Variants in SESN1 observed in about 807,000 individuals in gnomAD.
SESN1 encodes sestrin 1.
In SESN1, 30 loss-of-function variants were observed where a neutral mutation model predicts 59.3. The ratio of observed to expected loss-of-function variants is 0.51; its 90% CI spans 0.38 to 0.69. SESN1 has a LOEUF of 0.69. Among genes scored for constraint, SESN1 ranks in the 30% least tolerant of loss-of-function variants. SESN1 has a pLI of 0.00. For missense variants in SESN1, 566 were observed against 673.0 expected, an observed-to-expected ratio of 0.84 and a Z score of 1.76; for synonymous variants, 197 against 219.9, an observed-to-expected ratio of 0.90 and a Z score of 0.92.
At chr6:109,088,976 T>A (rs967792796) in intron 1 of SESN1, among the ~76,000 whole-genome samples, 26 of 152,144 alleles carry the variant, frequency 1.7e-4, no homozygotes, top group African/African-American at 6.3e-4. Context: ...CTCAAAAATG[T>A]GAATATATTT....
rs553231755 is a variant in SESN1, at chr6:109,069,173, G to A, written c.279+24622C>T. On this transcript the variant is annotated intron_variant, in intron 1 of 9. Coordinates refer to ENST00000436639, the MANE Select transcript of SESN1 (RefSeq NM_014454.3). ...AGAGAAAAAAACAGAGAAGGCCATCGTGGCAAAATGTTAACAATACGTGAC... is the reference window on the plus strand; with the variant it reads ...AGAGAAAAAAACAGAGAAGGCCATCATGGCAAAATGTTAACAATACGTGAC... 1.9e-3 allele frequency among the ~76,000 whole-genome samples: 290 copies of A among 152,144 alleles called. 4 individuals are homozygous for A. Among genetic ancestry groups the A allele is most frequent in the Admixed American group, 2.6e-3 (39 of 15,266 alleles).
chr6:109,011,170 A>T (rs955682129), intron 1 of SESN1, among the ~76,000 whole-genome samples: 5 of 152,240 alleles, frequency 3.3e-5, no homozygotes, highest in Non-Finnish European at 5.9e-5. Context: ...AGGGAAAAGC[A>T]TGCATTCAGT....
chr6:109,065,069 T>C (rs1267442541), intron 1 of SESN1, among the ~76,000 whole-genome samples: 1 of 152,150 alleles, frequency 6.6e-6, no homozygotes, highest in Non-Finnish European at 1.5e-5. Flanking sequence ...TTGCAAAATT[T>C]TGCACTTATT....
At chr6:109,058,087 A>G (rs1413445783) in intron 1 of SESN1, among the ~76,000 whole-genome samples, 5 of 151,820 alleles carry the variant, frequency 3.3e-5, no homozygotes, top group Non-Finnish European at 7.4e-5. Context: ...TTAATTAATT[A>G]ATTAATTAAC....
chr6:109,059,275 T>C (rs1216263979), intron 1 of SESN1, among the ~76,000 whole-genome samples: 2 of 152,176 alleles, frequency 1.3e-5, no homozygotes, highest in Non-Finnish European at 2.9e-5. Context: ...TAGTACTGCT[T>C]AATCATAGCC....
intron 1 of SESN1, among the ~76,000 whole-genome samples, chr6:109,030,870 G>A (rs1481316531): frequency 1.3e-5 from 2 of 152,148 alleles, no homozygotes; most frequent in African/African-American, 4.8e-5. Flanking sequence ...ACAAGTGGCA[G>A]AGCTACAAGT....
At chr6:109,001,544 G>T (rs1779625806) in intron 2 of SESN1, 56 bp from the exon 3 acceptor site, 1 of 1,433,842 alleles carries the variant, frequency 7.0e-7, no homozygotes, top group East Asian at 2.3e-5. Flanking sequence ...GTTAAGGGAA[G>T]AAAATATACA....
In SESN1 at chr6:108,986,098, T is replaced by G. The variant is rs1212688721; in HGVS notation, c.*1446A>C. On this transcript the variant is annotated 3_prime_UTR_variant, in exon 10 of 10. Transcript: ENST00000436639. The stretch of plus-strand genomic sequence containing the variant: ...AGAGTTATCATCACAACAGCTTCAG[T>G]TAAACTTAGAGCTATTTCTACTTGT... Among the ~76,000 whole-genome samples, 3 of 152,186 alleles carry G rather than the reference T, an allele frequency of 2.0e-5. No homozygotes were observed. Among genetic ancestry groups the G allele is most frequent in the Non-Finnish European group, 4.4e-5 (3 of 68,026 alleles).
chr6:109,082,036 C>T (rs548381523), intron 1 of SESN1, among the ~76,000 whole-genome samples: 1 of 152,300 alleles, frequency 6.6e-6, no homozygotes, highest in South Asian at 2.1e-4. Context: ...GGCATACAAA[C>T]AATCACTTGC....
At chr6:109,049,686 G>A (rs986382694) in intron 1 of SESN1, among the ~76,000 whole-genome samples, 1 of 150,490 alleles carries the variant, frequency 6.6e-6, no homozygotes, top group African/African-American at 2.4e-5. Flanking sequence ...ATAAAAAGGA[G>A]AGGGGACGTA....
rs571197412 is a variant in SESN1, at chr6:109,026,586, G to A, written c.280-24243C>T. Among the ~76,000 whole-genome samples the A allele has an allele frequency of 9.9e-5, 15 of 151,934 alleles. No individual in the cohort carries two copies. In the South Asian group the frequency reaches 2.9e-3, roughly 30 times the overall value. On this transcript the variant is annotated intron_variant, in intron 1 of 9. Coordinates refer to ENST00000436639, the MANE Select transcript of SESN1 (RefSeq NM_014454.3). ...ATCTCGGCTCACTGCAACCTTCTCCGCCTCCCAGTTTCGGTTCAAGCGATT... is the reference window on the plus strand; with the variant it reads ...ATCTCGGCTCACTGCAACCTTCTCCACCTCCCAGTTTCGGTTCAAGCGATT...
intron 1 of SESN1, among the ~76,000 whole-genome samples, chr6:109,004,115 A>G (rs997622277): frequency 2.0e-5 from 3 of 152,204 alleles, no homozygotes; most frequent in Non-Finnish European, 4.4e-5. Context: ...CTGGAACACT[A>G]TAACATGCTT....
Position 108,986,619 on chromosome 6 carries a change from T to TTTA in SESN1, c.*922_*924dup, listed in dbSNP as rs1190846643. 1 of 152,594 alleles carries TTTA rather than the reference T, an allele frequency of 6.6e-6. No homozygotes were observed. Among genetic ancestry groups the TTTA allele is most frequent in the Non-Finnish European group, 1.5e-5 (1 of 68,042 alleles). 9.5% of individuals were successfully genotyped at this position (152,594 alleles called of 1,614,324 possible). On this transcript the variant is annotated 3_prime_UTR_variant, in exon 10 of 10. Transcript: ENST00000436639. ...AACCCGACTAAAAATATTTTCCAGC[T>TTTA]TTATTATTTAAGGAGCTGCACAGCC...
chr6:109,056,922 C>T (rs1003015741), intron 1 of SESN1, among the ~76,000 whole-genome samples: 1 of 152,178 alleles, frequency 6.6e-6, no homozygotes, highest in African/African-American at 2.4e-5. Context: ...TTGTTCTTAT[C>T]TCCATCTGTC....
At chr6:109,024,578 G>GTT (rs906374839) in intron 1 of SESN1, among the ~76,000 whole-genome samples, 2 of 152,118 alleles carry the variant, frequency 1.3e-5, no homozygotes, top group African/African-American at 4.8e-5. Context: ...TTACAATGGG[G>GTT]TTATGACTCA....
intron 1 of SESN1, among the ~76,000 whole-genome samples, chr6:109,023,189 C>T (rs756662340): frequency 6.6e-6 from 1 of 152,214 alleles, no homozygotes; most frequent in Non-Finnish European, 1.5e-5. Flanking sequence ...ACATGTTAAT[C>T]CTATCCCAAC....
At chr6:109,019,227 C>G (rs1779971982) in intron 1 of SESN1, among the ~76,000 whole-genome samples, 1 of 152,116 alleles carries the variant, frequency 6.6e-6, no homozygotes, top group Non-Finnish European at 1.5e-5. Context: ...ACACACACCC[C>G]TCATGATCTG....
chr6:108,994,490 T>C lies in SESN1; in HGVS notation c.1092A>G (p.Lys364=). The change falls in exon 6 of 10, where the codon AAA becomes AAG. Residue 364 remains lysine, a synonymous_variant. Transcript: ENST00000436639. ...EEMASRFEIE[K]RESMFVFSSD... is the part of the protein sequence containing the mutation. ...AAGAGAAGACAAACATACTCTCTCTTTTTTCTATTTCAAAACGTGAAGCCA... is the reference window on the plus strand; with the variant it reads ...AAGAGAAGACAAACATACTCTCTCTCTTTTCTATTTCAAAACGTGAAGCCA... The C allele has an allele frequency of 6.2e-7, 1 of 1,613,000 alleles. No homozygotes were observed. The highest frequency in any genetic ancestry group is 2.2e-5 in the East Asian group (1 of 44,812).
At chr6:109,063,244 C>G (rs1780760937) in intron 1 of SESN1, among the ~76,000 whole-genome samples, 1 of 147,372 alleles carries the variant, frequency 6.8e-6, no homozygotes, top group Admixed American at 6.9e-5. Context: ...GGGAAACTGC[C>G]AACATAGGCT....
Sources: allele counts gnomAD v4.1 joint callset (sites outside exome capture counted in the v4.1 genomes callset), GRCh38; gene constraint gnomAD v4.1.1; transcripts MANE v1.5; gene names NCBI Gene and HGNC (gene_info 2026-07-23, HGNC 2026-07-21).